The following STOX1 variants were observed in gnomAD, a reference collection of about 807,000 sequenced individuals.
STOX1 encodes storkhead box 1.
In STOX1, 57 loss-of-function variants were observed where a neutral mutation model predicts 74.8. The ratio of observed to expected loss-of-function variants is 0.76; its 90% CI spans 0.62 to 0.95. The LOEUF (loss-of-function observed/expected upper bound fraction) is 0.95, where lower values mean the gene tolerates loss of function less well. Among genes scored for constraint, STOX1 ranks in the 40% least tolerant of loss-of-function variants. STOX1 has a pLI of 0.00. For synonymous variants in STOX1, 375 were observed against 401.3 expected, an observed-to-expected ratio of 0.93 and a Z score of 0.78; for missense variants, 1,010 against 1,117.0, an observed-to-expected ratio of 0.90 and a Z score of 1.37.
At chr10:68,860,244 G>A (rs756740226) in intron 1 of STOX1, among the ~76,000 whole-genome samples, 19 of 150,652 alleles carry the variant, frequency 1.3e-4, no homozygotes, top group African/African-American at 4.4e-4. Context: ...CCCCAGCCTC[G>A]GTGACAGAGC....
chr10:68,851,445 T>C lies in STOX1; in HGVS notation c.310+23512T>C, dbSNP rs142611986. 9.3e-3 allele frequency among the ~76,000 whole-genome samples: 1,413 copies of C among 152,302 alleles called. 24 individuals are homozygous for C. The highest frequency in any genetic ancestry group is 0.032 in the African/African-American group (1,328 of 41,556). On this transcript the variant is annotated intron_variant, in intron 1 of 3. Coordinates refer to ENST00000298596, the MANE Select transcript of STOX1 (RefSeq NM_152709.5). ...GTAGTAAAAAAAATCATTAAACTTA[T>C]AAATATTTAAGGTGATGGATATCCT...
In STOX1 at chr10:68,886,496, G is replaced by T; in HGVS notation, c.2700G>T (p.Lys900Asn). ...AAATGAGAAAACATTTCCCACAAAAGTTCCAACTTTTCAACACTTCACATA... is the reference window on the plus strand; with the variant it reads ...AAATGAGAAAACATTTCCCACAAAATTTCCAACTTTTCAACACTTCACATA... ...NQEMRKHFPQ[K>N]FQLFNTSHMP... Residue 900 changes from lysine to asparagine, a missense_variant, in exon 3 of 4, where the codon AAG becomes AAT. Physicochemically the swap from Lys to Asn is moderately conservative, Grantham distance 94. Transcript: ENST00000298596. 6.2e-7 allele frequency: 1 copy of T among 1,614,014 alleles called. No homozygotes were observed.
chr10:68,856,717 C>G (rs751601168), intron 1 of STOX1, among the ~76,000 whole-genome samples: 2 of 152,152 alleles, frequency 1.3e-5, no homozygotes, highest in Non-Finnish European at 2.9e-5. Flanking sequence ...CATAGACCCA[C>G]TCTGGCTGAG....
Position 68,884,493 on chromosome 10 carries a change from G to A in STOX1, c.697G>A (p.Glu233Lys). The A allele has an allele frequency of 1.2e-6, 2 of 1,613,814 alleles. No homozygotes were observed. Among genetic ancestry groups the A allele is most frequent in the Non-Finnish European group, 1.7e-6 (2 of 1,180,028 alleles). The change falls in exon 3 of 4, where the codon GAG becomes AAG. Residue 233 changes from glutamate to lysine, a missense_variant. Glu to Lys is a moderately conservative substitution (Grantham distance 56, BLOSUM62 1). Coordinates refer to ENST00000298596, the MANE Select transcript of STOX1 (RefSeq NM_152709.5). ...GGAGAGCTGTGCAGAGTCAGCCCAAGAGAATGCTGCCCCCATATCCCACTG... is the reference window on the plus strand; with the variant it reads ...GGAGAGCTGTGCAGAGTCAGCCCAAAAGAATGCTGCCCCCATATCCCACTG... ...SMESCAESAQENAAPISHCQS... is the reference protein window; with the variant it reads ...SMESCAESAQKNAAPISHCQS...
chr10:68,872,287 C>T (rs946356202), intron 1 of STOX1, among the ~76,000 whole-genome samples: 2 of 150,788 alleles, frequency 1.3e-5, no homozygotes, highest in African/African-American at 4.9e-5. Flanking sequence ...GAGAAAAACT[C>T]GTGTTCTAAA....
chr10:68,864,389 G>A (rs1454774926), intron 1 of STOX1, among the ~76,000 whole-genome samples: 1 of 152,182 alleles, frequency 6.6e-6, no homozygotes, highest in Non-Finnish European at 1.5e-5. Context: ...TTCAAAAATT[G>A]AAACAGTTTT....
chr10:68,891,155 C>T (rs1002614003), intron 3 of STOX1, among the ~76,000 whole-genome samples: 2 of 151,992 alleles, frequency 1.3e-5, no homozygotes. Flanking sequence ...TATTTTTAAG[C>T]AATATGCTTT....
At chr10:68,868,485 G>T (rs1840462201) in intron 1 of STOX1, among the ~76,000 whole-genome samples, 1 of 152,132 alleles carries the variant, frequency 6.6e-6, no homozygotes, top group African/African-American at 2.4e-5. Flanking sequence ...CCTCATTCTG[G>T]TAAACCAGCA....
At chr10:68,828,304 C>T (rs901919854) in intron 1 of STOX1, 7 of 1,170,304 alleles carry the variant, frequency 6.0e-6, no homozygotes, top group Non-Finnish European at 7.4e-6. Flanking sequence ...GGGCGTCCCG[C>T]GCCAGCTGTG....
At chr10:68,888,756 C>T (rs1247773973) in intron 3 of STOX1, among the ~76,000 whole-genome samples, 3 of 143,040 alleles carry the variant, frequency 2.1e-5, no homozygotes, top group Non-Finnish European at 4.5e-5. Flanking sequence ...CTACCTTAGT[C>T]TCCCATGTAC....
intron 1 of STOX1, 145 bp from the exon 2 acceptor site, chr10:68,881,813 C>T: frequency 1.1e-6 from 1 of 897,914 alleles, no homozygotes; most frequent in Non-Finnish European, 1.8e-6. Flanking sequence ...TTGTACATGT[C>T]ATGTTAACAG....
At chr10:68,865,558 A>G (rs979184203) in intron 1 of STOX1, among the ~76,000 whole-genome samples, 4 of 152,174 alleles carry the variant, frequency 2.6e-5, no homozygotes, top group African/African-American at 9.6e-5. Flanking sequence ...TTGAGGCAGG[A>G]GAATGGCATG....
chr10:68,880,051 G>A (rs994274096), intron 1 of STOX1, among the ~76,000 whole-genome samples: 2 of 151,796 alleles, frequency 1.3e-5, no homozygotes, highest in African/African-American at 4.8e-5. Flanking sequence ...GTTGAGAAAC[G>A]CTGCTCTACA....
intron 1 of STOX1, among the ~76,000 whole-genome samples, chr10:68,867,555 T>G (rs1005157759): frequency 6.6e-6 from 1 of 152,222 alleles, no homozygotes; most frequent in Non-Finnish European, 1.5e-5. Flanking sequence ...GGCCATTATC[T>G]TCAAGGTATT....
chr10:68,895,050 G>A (rs138113273), downstream of STOX1, among the ~76,000 whole-genome samples: 6 of 152,300 alleles, frequency 3.9e-5, no homozygotes, highest in East Asian at 1.2e-3. Flanking sequence ...AAAGCTATCT[G>A]AAGATGAAGT....
At chr10:68,889,243 A>G (rs1841041442) in intron 3 of STOX1, among the ~76,000 whole-genome samples, 1 of 152,192 alleles carries the variant, frequency 6.6e-6, no homozygotes, top group Non-Finnish European at 1.5e-5. Context: ...AAGTGCTGGG[A>G]TTACAGGCAT....
At chr10:68,837,072 G>T (rs1217410633) in intron 1 of STOX1, among the ~76,000 whole-genome samples, 1 of 152,174 alleles carries the variant, frequency 6.6e-6, no homozygotes, top group African/African-American at 2.4e-5. Context: ...AGCCTGACTG[G>T]TTGGTCCATA....
intron 1 of STOX1, among the ~76,000 whole-genome samples, chr10:68,866,406 T>C (rs1489436749): frequency 6.6e-6 from 1 of 152,128 alleles, no homozygotes; most frequent in African/African-American, 2.4e-5. Context: ...ACAGGTAGGA[T>C]GTTTATCCGT....
intron 1 of STOX1, among the ~76,000 whole-genome samples, chr10:68,850,879 G>A (rs1486686262): frequency 6.6e-6 from 1 of 152,134 alleles, no homozygotes; most frequent in Non-Finnish European, 1.5e-5. Context: ...GGCTGAGGTG[G>A]GAGGATTGCT....
Sources: allele counts gnomAD v4.1 joint callset (sites outside exome capture counted in the v4.1 genomes callset), GRCh38; gene constraint gnomAD v4.1.1; transcripts MANE v1.5; gene names NCBI Gene and HGNC (gene_info 2026-07-23, HGNC 2026-07-21).